Variants in ROBO1 observed in about 807,000 individuals in gnomAD.
ROBO1 encodes roundabout guidance receptor 1, also known as roundabout homolog 1.
Under a neutral mutation model 195.9 loss-of-function variants are expected in ROBO1, and 149 were observed. The observed-to-expected ratio is 0.76, with a 90% CI of 0.67 to 0.87. The LOEUF is 0.87. ROBO1 is among the 40% of genes least tolerant of loss of function. The pLI is 0.00. For synonymous variants in ROBO1, 816 were observed against 733.2 expected (o/e 1.11, Z -1.82); for missense variants, 1,933 against 2,068.3 (o/e 0.93, Z 1.27).
intron 2 of ROBO1, among the ~76,000 whole-genome samples, chr3:79,173,959 G>T (rs538294441): frequency 6.6e-6 from 1 of 152,160 alleles, no homozygotes; most frequent in South Asian, 2.1e-4. Flanking sequence ...CTCTGGTGGG[G>T]ACTTGGAGAA....
chr3:79,151,116 C>T (rs1459430915), intron 2 of ROBO1, among the ~76,000 whole-genome samples: 1 of 151,808 alleles, frequency 6.6e-6, no homozygotes, highest in Non-Finnish European at 1.5e-5. Context: ...TTGACTGCCG[C>T]CATGTAAGAC....
intron 2 of ROBO1, among the ~76,000 whole-genome samples, chr3:79,237,718 G>T (rs558880048): frequency 6.6e-6 from 1 of 151,972 alleles, no homozygotes; most frequent in Non-Finnish European, 1.5e-5. Context: ...TGTAGAAAAA[G>T]TCTATTGTTT....
intron 4 of ROBO1, among the ~76,000 whole-genome samples, chr3:78,857,773 G>A (rs568771889): frequency 7.2e-5 from 11 of 152,298 alleles, no homozygotes; most frequent in Admixed American, 2.0e-4. Flanking sequence ...AGGAATTGGT[G>A]AAACTAGATG....
At chr3:78,903,974 T>A (rs577216694) in intron 4 of ROBO1, among the ~76,000 whole-genome samples, 7 of 152,026 alleles carry the variant, frequency 4.6e-5, no homozygotes, top group South Asian at 2.1e-4. Context: ...AGAAAAAAAA[T>A]TTTCTTATCT....
Position 78,706,083 on chromosome 3 carries a change from T to C in ROBO1, c.1045+8314A>G, listed in dbSNP as rs143568432. ...AACTCACAGTCAAGCAGTTCAGACA[T>C]TGAAATCCCATTAAGGGCAGTAGTA... On this transcript the variant is annotated intron_variant, in intron 8 of 30. Transcript: ENST00000464233. Among the ~76,000 whole-genome samples, 763 of 152,082 alleles carry C rather than the reference T, an allele frequency of 5.0e-3. 10 individuals are homozygous for C. The highest frequency in any genetic ancestry group is 0.016 in the African/African-American group (671 of 41,514).
chr3:78,914,511 A>G (rs1185222872), intron 4 of ROBO1, among the ~76,000 whole-genome samples: 1 of 151,946 alleles, frequency 6.6e-6, no homozygotes, highest in African/African-American at 2.4e-5. Flanking sequence ...TCAACATCCT[A>G]TTTGGGCTCC....
chr3:78,681,915 TG>T (rs2080923486), intron 10 of ROBO1, among the ~76,000 whole-genome samples: 1 of 152,004 alleles, frequency 6.6e-6, no homozygotes, highest in South Asian at 2.1e-4. Flanking sequence ...CGGAGAAGCA[TG>T]GCAAGCACAA....
At chr3:79,277,035 C>T (rs543555922) in intron 2 of ROBO1, among the ~76,000 whole-genome samples, 7 of 152,042 alleles carry the variant, frequency 4.6e-5, no homozygotes, top group African/African-American at 1.7e-4. Flanking sequence ...TAAGTTAGTG[C>T]AACCACTATG....
At chr3:78,612,447 A>G (rs1253659314) in intron 28 of ROBO1, among the ~76,000 whole-genome samples, 1 of 152,116 alleles carries the variant, frequency 6.6e-6, no homozygotes, top group African/African-American at 2.4e-5. Context: ...TATTTTTTCC[A>G]AAAATGCAGT....
chr3:79,732,870 T>G (rs147548526), intron 1 of ROBO1, among the ~76,000 whole-genome samples: 111 of 152,298 alleles, frequency 7.3e-4, no homozygotes, highest in African/African-American at 2.5e-3. Context: ...GCTTACATTT[T>G]CATGTTTTAA....
intron 2 of ROBO1, among the ~76,000 whole-genome samples, chr3:79,164,482 G>A (rs1271755074): frequency 2.6e-5 from 4 of 152,224 alleles, no homozygotes; most frequent in Non-Finnish European, 2.9e-5. Flanking sequence ...ATATAAGTAC[G>A]TCTCTCCTCC....
At chr3:79,525,221 A>T (rs1941377193) in intron 2 of ROBO1, among the ~76,000 whole-genome samples, 1 of 151,002 alleles carries the variant, frequency 6.6e-6, no homozygotes, top group Non-Finnish European at 1.5e-5. Flanking sequence ...GAATAAGGTT[A>T]TGGTTAATTT....
intron 2 of ROBO1, among the ~76,000 whole-genome samples, chr3:79,380,239 A>T (rs554736418): frequency 6.6e-6 from 1 of 152,262 alleles, no homozygotes; most frequent in South Asian, 2.1e-4. Context: ...TCCTTCAATT[A>T]TAGGAAAGGA....
At chr3:79,614,935 C>A (rs1056043527) in intron 1 of ROBO1, among the ~76,000 whole-genome samples, 2 of 151,440 alleles carry the variant, frequency 1.3e-5, no homozygotes, top group Non-Finnish European at 2.9e-5. Flanking sequence ...GTGGAAAATT[C>A]ACATTGTAAA....
intron 2 of ROBO1, among the ~76,000 whole-genome samples, chr3:79,355,640 A>G (rs577560864): frequency 6.6e-6 from 1 of 152,254 alleles, no homozygotes; most frequent in South Asian, 2.1e-4. Context: ...TAGATTCCAT[A>G]TATTTGTAAA....
chr3:79,080,437 C>A (rs1240921158), intron 3 of ROBO1, among the ~76,000 whole-genome samples: 1 of 151,660 alleles, frequency 6.6e-6, no homozygotes, highest in African/African-American at 2.4e-5. Flanking sequence ...ACTATAAAGT[C>A]CCCAAAGATA....
At chr3:79,240,264 A>G (rs570572869) in intron 2 of ROBO1, among the ~76,000 whole-genome samples, 1 of 152,176 alleles carries the variant, frequency 6.6e-6, no homozygotes, top group Non-Finnish European at 1.5e-5. Context: ...ACTTAGCACA[A>G]TGTCCTCTAG....
At chr3:79,225,317 G>A (rs1394443524) in intron 2 of ROBO1, among the ~76,000 whole-genome samples, 1 of 152,066 alleles carries the variant, frequency 6.6e-6, no homozygotes, top group Non-Finnish European at 1.5e-5. Context: ...CTTGTTTAAT[G>A]TTAGTCTTAC....
intron 3 of ROBO1, among the ~76,000 whole-genome samples, chr3:79,017,631 A>G (rs2077983637): frequency 6.6e-6 from 1 of 152,122 alleles, no homozygotes; most frequent in African/African-American, 2.4e-5. Flanking sequence ...ACAAGTGTAG[A>G]TACAGTGTGT....
Sources: gnomAD v4.1 joint callset for allele counts (sites outside exome capture counted in the v4.1 genomes callset) on GRCh38, gnomAD v4.1.1 for gene constraint, MANE v1.5 for transcripts, NCBI Gene and HGNC (gene_info 2026-07-23, HGNC 2026-07-21) for gene names.